Variants in PARP10 observed in about 807,000 individuals in gnomAD.
The protein encoded by PARP10 is protein mono-ADP-ribosyltransferase PARP10.
A neutral mutation model predicts 82.4 loss-of-function variants in PARP10; 56 were observed. The observed-to-expected ratio is 0.68, with a 90% CI of 0.55 to 0.85. The LOEUF (loss-of-function observed/expected upper bound fraction) is 0.85, where lower values mean the gene tolerates loss of function less well. Ranked by LOEUF, PARP10 falls within the 40% of genes least tolerant of loss-of-function variation. The pLI is 0.00. For missense variants in PARP10, 1,227 were observed against 1,379.4 expected, an observed-to-expected ratio of 0.89 and a Z score of 1.75; for synonymous variants, 576 against 601.1, an observed-to-expected ratio of 0.96 and a Z score of 0.61.
Position 143,984,858 on chromosome 8 carries a change from C to T in PARP10, c.1144G>A (p.Val382Met), listed in dbSNP as rs144746265. The change falls in exon 5 of 11, where the codon GTG becomes ATG. Residue 382 changes from valine (V) to methionine (M), a missense_variant. Physicochemically the swap from Val to Met is conservative, Grantham distance 21 (BLOSUM62 1). Coordinates refer to ENST00000313028, the MANE Select transcript of PARP10 (RefSeq NM_032789.5). Reference sequence around the variant, plus strand: ...GTCTCCACTGGGCCTGCAGACCCCACAGGCCCCAGGCTCATGGGCCCCTCC... The same window carrying T: ...GTCTCCACTGGGCCTGCAGACCCCATAGGCCCCAGGCTCATGGGCCCCTCC... ...EQEGPMSLGP[V>M]GSAGPVETSK... is the part of the protein sequence containing the mutation. 8.1e-6 allele frequency: 13 copies of T among 1,613,776 alleles called. No homozygotes were observed. The highest frequency in any genetic ancestry group is 9.3e-6 in the Non-Finnish European group (11 of 1,179,940).
chr8:143,991,810 T>G (rs1368743165), upstream of PARP10: 1 of 1,609,908 alleles, frequency 6.2e-7, no homozygotes, highest in Admixed American at 1.7e-5. Context: ...GCAAGGTGGG[T>G]AGGGGCATCT....
intron 9 of PARP10, among the ~76,000 whole-genome samples, chr8:143,978,802 C>T (rs1833781470): frequency 2.0e-5 from 3 of 152,044 alleles, no homozygotes; most frequent in Admixed American, 6.5e-5. Flanking sequence ...GGAGCTCCAC[C>T]GGCCGGAGCT....
chr8:143,992,338 G>A, upstream of PARP10: 4 of 1,591,384 alleles, frequency 2.5e-6, no homozygotes, highest in Non-Finnish European at 3.4e-6. Flanking sequence ...CATCACCACA[G>A]CCGTCTGCTT....
In PARP10 at chr8:143,983,698, T is replaced by A; in HGVS notation, c.1891A>T (p.Thr631Ser). The A allele has an allele frequency of 6.2e-7, 1 of 1,609,284 alleles. No individual in the cohort carries two copies. The highest frequency in any genetic ancestry group is 8.5e-7 in the Non-Finnish European group (1 of 1,177,574). ...GPQEQPEEEV[T>S]PGHEEEEPVA... is the part of the protein sequence containing the mutation. ...GGCTCCTCCTCCTCATGCCCTGGGGTCACCTCCTCCTCTGGCTGCTCCTGA... is the reference window on the plus strand; with the variant it reads ...GGCTCCTCCTCCTCATGCCCTGGGGACACCTCCTCCTCTGGCTGCTCCTGA... Residue 631 changes from threonine (T) to serine (S), a missense_variant, in exon 8 of 11, where the codon ACC (threonine) becomes TCC (serine). Thr to Ser is a moderately conservative substitution (Grantham distance 58). Transcript: ENST00000313028.
rs375259054 is a variant in PARP10, at chr8:143,986,391, G to C, written c.-32C>G. The C allele has an allele frequency of 6.2e-7, 1 of 1,614,040 alleles. No homozygotes were observed. Among genetic ancestry groups the C allele is most frequent in the African/African-American group, 1.3e-5 (1 of 74,916 alleles). On this transcript the variant is annotated 5_prime_UTR_variant, in exon 1 of 11. Coordinates refer to ENST00000313028, the MANE Select transcript of PARP10 (RefSeq NM_032789.5). ...TGGCCGCTAGGCAGCCTCAGGCCATGAGCTCAGCCAGGACTCCTGTGCCTG... is the reference window on the plus strand; with the variant it reads ...TGGCCGCTAGGCAGCCTCAGGCCATCAGCTCAGCCAGGACTCCTGTGCCTG...
At chr8:144,004,243 C>T (rs1834220850) in intron 1 of PARP10, among the ~76,000 whole-genome samples, 2 of 151,848 alleles carry the variant, frequency 1.3e-5, no homozygotes, top group African/African-American at 4.8e-5. Flanking sequence ...CCCAGGAGGT[C>T]GAGGCCCTGT....
upstream of PARP10, chr8:143,991,941 G>A (rs1202070409): frequency 1.9e-6 from 3 of 1,613,764 alleles, no homozygotes; most frequent in African/African-American, 2.7e-5. Flanking sequence ...GTTCACTTTT[G>A]TTGCGGAGGT....
chr8:143,992,005 T>C, upstream of PARP10: 1 of 1,613,894 alleles, frequency 6.2e-7, no homozygotes. Flanking sequence ...TATGCTGTCT[T>C]CTTCATCTCT....
intron 1 of PARP10, among the ~76,000 whole-genome samples, chr8:143,998,308 C>G (rs1313426299): frequency 6.6e-6 from 1 of 152,138 alleles, no homozygotes; most frequent in Non-Finnish European, 1.5e-5. Flanking sequence ...AGGGCTTGGA[C>G]CAGGGGCAGA....
rs118057729 is a variant in PARP10 at position 144,001,288 on chromosome 8, G to A, written c.-80+11242C>T. On this transcript the variant is annotated intron_variant, in intron 1 of 3. Coordinates refer to the PARP10 transcript ENST00000530478. ...GTGCAGAGGCATGGTCACGGCTCAT[G>A]CAGCCTGGACCTTTGGAATCCAGCG... Among the ~76,000 whole-genome samples the A allele has an allele frequency of 1.6e-3, 247 of 152,106 alleles. 7 individuals carry two copies. In the East Asian group the frequency reaches 0.039, roughly 24 times the overall value.
At position 144,006,520 on chromosome 8, in the gene PARP10, C is replaced by T. The variant is rs114981735; in HGVS notation, c.-80+6010G>A. Among the ~76,000 whole-genome samples, 367 of 152,288 alleles carry T rather than the reference C, an allele frequency of 2.4e-3. 3 individuals are homozygous for T. Among genetic ancestry groups the T allele is most frequent in the African/African-American group, 8.4e-3 (350 of 41,550 alleles). On this transcript the variant is annotated intron_variant, in intron 1 of 3. Coordinates refer to the PARP10 transcript ENST00000530478. ...GGGGCCCTGAGGGGCAACACGCAAG[C>T]GGAGTCTGAAGGAAGAGTAGGAATT...
upstream of PARP10, chr8:143,986,855 C>T (rs1385607391): frequency 5.6e-6 from 1 of 179,308 alleles, no homozygotes; most frequent in Non-Finnish European, 1.2e-5. Flanking sequence ...CCGCCCCCGG[C>T]CAAGGCTGGC....
At position 143,983,896 on chromosome 8, in the gene PARP10, G is replaced by A. The variant is rs139788012; in HGVS notation, c.1778-85C>T. ...GAAAGATGGGGAGCAAGTTTTTAGG[G>A]TACAGGGTGGGCCTAAGATGGGTCA... On this transcript the variant is annotated intron_variant, in intron 7 of 10. Coordinates refer to ENST00000313028, the MANE Select transcript of PARP10 (RefSeq NM_032789.5). 9.0e-5 allele frequency: 135 copies of A among 1,507,678 alleles called. No homozygotes were observed. In the Middle Eastern group the frequency reaches 1.4e-3, roughly 16 times the overall value. The allele number at this position is 1,507,678 out of a possible 1,614,324, so 93.4% of individuals were successfully genotyped here.
upstream of PARP10, chr8:143,991,117 G>A: frequency 2.8e-6 from 2 of 709,972 alleles, no homozygotes; most frequent in Non-Finnish European, 4.7e-6. Flanking sequence ...TGGGTTCCCA[G>A]AAGCAGGTGG....
intron 1 of PARP10, among the ~76,000 whole-genome samples, chr8:144,005,406 G>T (rs1395197327): frequency 1.3e-5 from 2 of 152,160 alleles, no homozygotes; most frequent in African/African-American, 4.8e-5. Context: ...ACCTACAGAA[G>T]TGCTGGTAGT....
chr8:143,992,323 G>T (rs1554750682), upstream of PARP10: 2 of 1,587,882 alleles, frequency 1.3e-6, no homozygotes, highest in Non-Finnish European at 1.7e-6. Context: ...CATCATGGCC[G>T]TGGGCATCAC....
At chr8:143,991,482 G>C, upstream of PARP10, 1 of 1,520,486 alleles carries the variant, frequency 6.6e-7, no homozygotes, top group Non-Finnish European at 8.8e-7. Context: ...CTACCCACAA[G>C]AGGGCTACCC....
chr8:143,985,066 G>A lies in PARP10; in HGVS notation c.936C>T (p.Pro312=). ...GQSGASLRTG[P]MVQGRGIMTT... ...TCATAATCCCTCTACCCTGCACCAT[G>A]GGACCTGTCCTCAGAGAGGCCCCTG... Residue 312 remains proline (P), a synonymous_variant, in exon 5 of 11, where the codon CCC becomes CCT. Transcript: ENST00000313028. 2 of 1,613,840 alleles carry A rather than the reference G, an allele frequency of 1.2e-6. No homozygotes were observed. Among genetic ancestry groups the A allele is most frequent in the Non-Finnish European group, 1.7e-6 (2 of 1,179,954 alleles).
rs782542345 is a variant in PARP10 at position 143,985,943 on chromosome 8, C to T, written c.214G>A (p.Glu72Lys). 2.1e-5 allele frequency: 33 copies of T among 1,580,556 alleles called. 1 individual carries two copies. The South Asian group carries it at 3.2e-4, about 15-fold the overall frequency. The change falls in exon 3 of 11, where the codon GAA becomes AAA. Residue 72 changes from glutamate to lysine, a missense_variant. Coordinates refer to ENST00000313028, the MANE Select transcript of PARP10 (RefSeq NM_032789.5). ...AGGCTCAGCTGGGCACCATGTAGTTCGTGATCTGCCTGGGCCAAGACCCTC... is the reference window on the plus strand; with the variant it reads ...AGGCTCAGCTGGGCACCATGTAGTTTGTGATCTGCCTGGGCCAAGACCCTC... ...AERVLAQADH[E>K]LHGAQLSLRP...
Sources: gnomAD v4.1 joint callset for allele counts (sites outside exome capture counted in the v4.1 genomes callset) on GRCh38, gnomAD v4.1.1 for gene constraint, MANE v1.5 for transcripts, NCBI Gene and HGNC (gene_info 2026-07-23, HGNC 2026-07-21) for gene names.